ARHGAP42: variants seen among roughly 807,000 people sequenced by gnomAD.
ARHGAP42 encodes Rho GTPase activating protein 42.
A neutral mutation model predicts 125.0 loss-of-function variants in ARHGAP42; 63 were observed. The observed-to-expected ratio is 0.50, with a 90% CI of 0.41 to 0.62. The LOEUF is 0.62. ARHGAP42 is among the 20% of genes least tolerant of loss of function. ARHGAP42 has a pLI of 0.00. For missense variants in ARHGAP42, 766 were observed against 1,024.2 expected (o/e 0.75, Z 3.44); for synonymous variants, 339 against 351.0 (o/e 0.97, Z 0.38).
At chr11:100,903,710 ATATATAT>A (rs1477189323) in intron 4 of ARHGAP42, among the ~76,000 whole-genome samples, 6,113 of 56,336 alleles carry the variant, frequency 0.11, 483 homozygotes, top group Non-Finnish European at 0.12. Context: ...GTCCCTCAAA[ATATATAT>A]ATATATATAT....
At chr11:100,691,458 A>C (rs1861188338) in intron 1 of ARHGAP42, among the ~76,000 whole-genome samples, 1 of 152,184 alleles carries the variant, frequency 6.6e-6, no homozygotes, top group Admixed American at 6.5e-5. Context: ...CACAGACCCC[A>C]AAAAAGAGAC....
At chr11:100,753,857 AC>A (rs1401390713) in intron 1 of ARHGAP42, among the ~76,000 whole-genome samples, 1 of 152,150 alleles carries the variant, frequency 6.6e-6, no homozygotes, top group African/African-American at 2.4e-5. Flanking sequence ...CTGGAGACTT[AC>A]AGTTTTTCCA....
intron 4 of ARHGAP42, among the ~76,000 whole-genome samples, chr11:100,911,378 A>G (rs539432259): frequency 1.3e-5 from 2 of 152,246 alleles, no homozygotes; most frequent in African/African-American, 4.8e-5. Flanking sequence ...GAACCCTAGT[A>G]GAGACCCATA....
chr11:100,747,184 C>A (rs904441509), intron 1 of ARHGAP42, among the ~76,000 whole-genome samples: 2 of 152,148 alleles, frequency 1.3e-5, no homozygotes, highest in African/African-American at 4.8e-5. Context: ...GAAATTGATC[C>A]TTTGTTTTAA....
chr11:100,941,819 A>G lies in ARHGAP42; in HGVS notation c.868A>G (p.Thr290Ala). Reference sequence around the variant, plus strand: ...TTTTACATGGATTAAACATTATTGTACATATGATAAGGGAAGTAAAACATT... The same window carrying G: ...TTTTACATGGATTAAACATTATTGTGCATATGATAAGGGAAGTAAAACATT... ...LGFTWIKHYC[T>A]YDKGSKTFTM... Residue 290 changes from threonine to alanine, a missense_variant, in exon 9 of 24, where the codon ACA (threonine) becomes GCA (alanine). Thr to Ala is a moderately conservative substitution (Grantham distance 58). Coordinates refer to ENST00000298815, the MANE Select transcript of ARHGAP42 (RefSeq NM_152432.4). 1 of 1,536,740 alleles carries G rather than the reference A, an allele frequency of 6.5e-7. No individual in the cohort carries two copies. Among genetic ancestry groups the G allele is most frequent in the Non-Finnish European group, 8.8e-7 (1 of 1,142,736 alleles).
intron 3 of ARHGAP42, among the ~76,000 whole-genome samples, chr11:100,809,130 C>T (rs1458122867): frequency 3.3e-5 from 5 of 152,162 alleles, no homozygotes; most frequent in African/African-American, 9.7e-5. Flanking sequence ...ATTTGCTTAT[C>T]GGCCTCATTC....
intron 1 of ARHGAP42, among the ~76,000 whole-genome samples, chr11:100,705,332 A>G (rs1212719219): frequency 6.6e-6 from 1 of 152,244 alleles, no homozygotes; most frequent in African/African-American, 2.4e-5. Flanking sequence ...CCTTAACAGT[A>G]GTCAGCCTAG....
At chr11:100,798,431 A>T (rs188175550) in intron 3 of ARHGAP42, among the ~76,000 whole-genome samples, 56 of 152,338 alleles carry the variant, frequency 3.7e-4, no homozygotes, top group African/African-American at 1.2e-3. Flanking sequence ...ATCAGTTAAC[A>T]GTCATCAGCA....
At chr11:100,711,737 AAAGAAAGGTCAGG>A (rs1417904300) in intron 1 of ARHGAP42, among the ~76,000 whole-genome samples, 1 of 152,200 alleles carries the variant, frequency 6.6e-6, no homozygotes, top group Non-Finnish European at 1.5e-5. Flanking sequence ...AAACAAGGGG[AAAGAAAGGTCAGG>A]AAGCCAATAG....
intron 5 of ARHGAP42, 57 bp from the exon 6 acceptor site, chr11:100,921,437 A>T: frequency 2.4e-6 from 3 of 1,243,042 alleles, no homozygotes; most frequent in Non-Finnish European, 3.4e-6. Flanking sequence ...CAGAGCAGGA[A>T]TTGAGTCCCT....
intron 1 of ARHGAP42, among the ~76,000 whole-genome samples, chr11:100,712,982 C>T (rs898126163): frequency 3.3e-4 from 50 of 152,202 alleles, no homozygotes; most frequent in African/African-American, 1.2e-3. Flanking sequence ...AATGACATAT[C>T]GAAAATATCA....
At chr11:100,725,114 G>A (rs1423113376) in intron 1 of ARHGAP42, among the ~76,000 whole-genome samples, 1 of 150,498 alleles carries the variant, frequency 6.6e-6, no homozygotes, top group Non-Finnish European at 1.5e-5. Context: ...GGTGTTTTTG[G>A]ATTTTATATA....
intron 1 of ARHGAP42, among the ~76,000 whole-genome samples, chr11:100,758,610 A>G (rs1007919732): frequency 6.6e-6 from 1 of 152,182 alleles, no homozygotes; most frequent in Non-Finnish European, 1.5e-5. Flanking sequence ...AGTAACTGAG[A>G]GCAAATAAGT....
At chr11:100,921,684 T>C (rs1473654418) in intron 6 of ARHGAP42, 80 bp downstream of exon 6, 2 of 863,802 alleles carry the variant, frequency 2.3e-6, no homozygotes, top group Admixed American at 3.3e-5. Flanking sequence ...CTATAATATA[T>C]AATTTTTCTT....
At chr11:100,712,814 A>G (rs1861587585) in intron 1 of ARHGAP42, among the ~76,000 whole-genome samples, 1 of 152,134 alleles carries the variant, frequency 6.6e-6, no homozygotes. Context: ...CAATCCATGA[A>G]CAGTACTCTG....
At chr11:100,958,902 C>T (rs1452781651) in intron 12 of ARHGAP42, among the ~76,000 whole-genome samples, 1 of 141,916 alleles carries the variant, frequency 7.0e-6, no homozygotes, top group Non-Finnish European at 1.5e-5. Flanking sequence ...TAGTTTGTTG[C>T]TGTTACCCTT....
intron 1 of ARHGAP42, among the ~76,000 whole-genome samples, chr11:100,755,776 C>T (rs970215784): frequency 1.3e-5 from 2 of 152,080 alleles, no homozygotes; most frequent in African/African-American, 4.8e-5. Flanking sequence ...TTTCTTATTT[C>T]CCCCCTGTCA....
Position 100,976,919 on chromosome 11 carries a change from A to C in ARHGAP42, c.2341A>C (p.Arg781=), listed in dbSNP as rs1259943112. Residue 781 remains arginine, a synonymous_variant, in exon 21 of 24, where the codon AGA becomes CGA. Coordinates refer to ENST00000298815, the MANE Select transcript of ARHGAP42 (RefSeq NM_152432.4). ...NPDLPPKMCR[R]LRLDTASSNG... is the part of the protein sequence containing the mutation. ...AGACCTGCCTCCGAAAATGTGCAGG[A>C]GATTAAGACTAGACACTGCCTCAAG... is the stretch of plus-strand genomic sequence containing the variant. 6.4e-7 allele frequency: 1 copy of C among 1,551,546 alleles called. No homozygotes were observed. The highest frequency in any genetic ancestry group is 8.7e-7 in the Non-Finnish European group (1 of 1,146,862).
chr11:100,984,217 T>C (rs959140247), intron 22 of ARHGAP42, among the ~76,000 whole-genome samples: 2 of 152,078 alleles, frequency 1.3e-5, no homozygotes, highest in Admixed American at 1.3e-4. Context: ...TTTAGGGTTC[T>C]TGCCAAGAAC....
Sources: allele counts gnomAD v4.1 joint callset (sites outside exome capture counted in the v4.1 genomes callset), GRCh38; gene constraint gnomAD v4.1.1; transcripts MANE v1.5; gene names NCBI Gene and HGNC (gene_info 2026-07-23, HGNC 2026-07-21).